The following SDK1 variants were observed in gnomAD, a reference collection of about 807,000 sequenced individuals.
The protein encoded by SDK1 is sidekick cell adhesion molecule 1.
In SDK1, 157 loss-of-function variants were observed where a neutral mutation model predicts 245.5. The ratio of observed to expected loss-of-function variants is 0.64; its 90% confidence interval spans 0.56 to 0.73. The LOEUF (loss-of-function observed/expected upper bound fraction) is 0.73, where lower values mean the gene tolerates loss of function less well. Ranked by LOEUF, SDK1 falls within the 30% of genes least tolerant of loss-of-function variation. The probability of loss-of-function intolerance (pLI) is 0.00; values close to 1 mark genes in which losing one functional copy is unlikely to be tolerated. For missense variants in SDK1, 3,583 were observed against 3,002.3 expected, an observed-to-expected ratio of 1.19 and a Z score of -4.52; for synonymous variants, 1,647 against 1,278.5, an observed-to-expected ratio of 1.29 and a Z score of -6.15.
At chr7:3,624,877 C>T (rs1055818200) in intron 2 of SDK1, among the ~76,000 whole-genome samples, 1 of 151,932 alleles carries the variant, frequency 6.6e-6, no homozygotes, top group African/African-American at 2.4e-5. Flanking sequence ...GAAACCCCAT[C>T]TCTACTAAAA....
At chr7:3,861,082 C>G (rs1368402413) in intron 5 of SDK1, among the ~76,000 whole-genome samples, 21 of 152,184 alleles carry the variant, frequency 1.4e-4, no homozygotes, top group Admixed American at 1.4e-3. Context: ...TGTCCAAGCT[C>G]TGTAACCCTT....
In SDK1 at chr7:4,067,853, G is replaced by A. The variant is rs1320815471; in HGVS notation, c.2927G>A (p.Gly976Glu). The change falls in exon 20 of 45, where the codon GGA (glycine) becomes GAA (glutamate). Residue 976 changes from glycine (G) to glutamate (E), a missense_variant. Transcript: ENST00000404826. The part of the protein sequence containing the change: ...WTQEDKPGAV[G>E]HLSFTEILDT... ...TAATTGGTAGAACCAGGAGCTGTGGGACATCTGAGTTTCACAGAGATCTTG... is the reference window on the plus strand; with the variant it reads ...TAATTGGTAGAACCAGGAGCTGTGGAACATCTGAGTTTCACAGAGATCTTG... 1.2e-6 allele frequency: 2 copies of A among 1,612,640 alleles called. No homozygotes were observed.
chr7:3,988,620 A>G (rs2128139852), intron 14 of SDK1, among the ~76,000 whole-genome samples: 1 of 152,198 alleles, frequency 6.6e-6, no homozygotes, highest in Non-Finnish European at 1.5e-5. Context: ...CACGGATTTT[A>G]TGTTGACTCC....
chr7:3,747,068 A>G (rs1779646267), intron 4 of SDK1, among the ~76,000 whole-genome samples: 1 of 152,240 alleles, frequency 6.6e-6, no homozygotes, highest in African/African-American at 2.4e-5. Flanking sequence ...ATGCTGTGGC[A>G]TGAAACCAAC....
At chr7:3,846,777 C>G (rs545123627) in intron 5 of SDK1, among the ~76,000 whole-genome samples, 1 of 152,152 alleles carries the variant, frequency 6.6e-6, no homozygotes, top group African/African-American at 2.4e-5. Context: ...CGTGTCTTTA[C>G]CCCTGGTTCC....
intron 21 of SDK1, among the ~76,000 whole-genome samples, chr7:4,078,710 C>G (rs1218495346): frequency 6.6e-6 from 1 of 152,126 alleles, no homozygotes; most frequent in Non-Finnish European, 1.5e-5. Flanking sequence ...ACTCATAATG[C>G]TACAATTCCG....
chr7:3,419,526 G>T (rs1266696513), intron 1 of SDK1, among the ~76,000 whole-genome samples: 3 of 152,166 alleles, frequency 2.0e-5, no homozygotes. Context: ...TGTTTCGAAA[G>T]TATTGAGTGC....
At chr7:4,146,061 C>A in intron 29 of SDK1, 145 bp downstream of exon 29, 1 of 670,958 alleles carries the variant, frequency 1.5e-6, no homozygotes, top group Non-Finnish European at 2.5e-6. Flanking sequence ...ACAAAGCACC[C>A]ATTGCACCTG....
In SDK1 at chr7:3,957,280, G is replaced by A. The variant is rs184904276; in HGVS notation, c.1151-1651G>A. ...GGACGTGCATGTGCCGTCTTTTCAC[G>A]CACACTTGAGCGCAGGAAACACTGG... On this transcript the variant is annotated intron_variant, in intron 7 of 44. Transcript: ENST00000404826. Among the ~76,000 whole-genome samples, 175 of 152,242 alleles carry A rather than the reference G, an allele frequency of 1.1e-3. 1 individual carries two copies. The highest frequency in any genetic ancestry group is 4.1e-3 in the African/African-American group (169 of 41,546).
At chr7:4,176,309 A>G (rs1174895639) in intron 34 of SDK1, among the ~76,000 whole-genome samples, 1 of 151,980 alleles carries the variant, frequency 6.6e-6, no homozygotes, top group Non-Finnish European at 1.5e-5. Flanking sequence ...CTATAGGCTC[A>G]TGCAACCATG....
At position 4,203,886 on chromosome 7, in the gene SDK1, G is replaced by C. The variant is rs61397122; in HGVS notation, c.5099-1993G>C. On this transcript the variant is annotated intron_variant, in intron 35 of 44. Coordinates refer to ENST00000404826, the MANE Select transcript of SDK1 (RefSeq NM_152744.4). Reference sequence around the variant, plus strand: ...AGAAGTGCCTTGCTGTAGCATTGCTGGTAGGCACGGCAGTGCGGCTCAGCT... The same window carrying C: ...AGAAGTGCCTTGCTGTAGCATTGCTCGTAGGCACGGCAGTGCGGCTCAGCT... Among the ~76,000 whole-genome samples, 850 of 152,362 alleles carry C rather than the reference G, an allele frequency of 5.6e-3. 12 individuals are homozygous for C. Among genetic ancestry groups the C allele is most frequent in the African/African-American group, 0.02 (811 of 41,580 alleles).
At chr7:3,739,011 G>T (rs368348631) in intron 4 of SDK1, among the ~76,000 whole-genome samples, 21 of 151,374 alleles carry the variant, frequency 1.4e-4, no homozygotes, top group African/African-American at 5.1e-4. Flanking sequence ...ATATAAGATC[G>T]TTTATCTAAG....
At chr7:3,375,596 G>A (rs1781334481) in intron 1 of SDK1, among the ~76,000 whole-genome samples, 1 of 152,166 alleles carries the variant, frequency 6.6e-6, no homozygotes, top group Non-Finnish European at 1.5e-5. Flanking sequence ...GTGCTCCCTT[G>A]CATCATTTGC....
rs531460826 is a variant in SDK1, at chr7:4,186,463, G to A, written c.5098+7877G>A. On this transcript the variant is annotated intron_variant, in intron 35 of 44. Transcript: ENST00000404826. ...GAGCCTCCAAATAAAAAGAGGTGCT[G>A]TGTCCCCACATAGGCCGCCTCCTTG... 1.5e-3 allele frequency among the ~76,000 whole-genome samples: 234 copies of A among 152,340 alleles called. 1 individual carries two copies. The highest frequency in any genetic ancestry group is 0.014 in the Admixed American group (217 of 15,302).
chr7:3,685,597 CA>C (rs1397053990), intron 4 of SDK1, among the ~76,000 whole-genome samples: 2 of 152,058 alleles, frequency 1.3e-5, no homozygotes, highest in African/African-American at 4.8e-5. Context: ...ATGGTTGATG[CA>C]AAAATTGTAA....
intron 5 of SDK1, among the ~76,000 whole-genome samples, chr7:3,888,148 G>C (rs920059522): frequency 1.3e-5 from 2 of 152,252 alleles, no homozygotes; most frequent in African/African-American, 4.8e-5. Flanking sequence ...GTGAATGATA[G>C]ATGCCGCACC....
chr7:3,991,921 A>G (rs928792267), intron 14 of SDK1, among the ~76,000 whole-genome samples: 36 of 152,384 alleles, frequency 2.4e-4, no homozygotes, highest in African/African-American at 7.7e-4. Flanking sequence ...GCAGCTGAAC[A>G]TGCTGGCTAA....
chr7:3,390,469 G>C (rs1346907483), intron 1 of SDK1, among the ~76,000 whole-genome samples: 2 of 152,112 alleles, frequency 1.3e-5, no homozygotes, highest in Non-Finnish European at 1.5e-5. Flanking sequence ...CCTATACCGA[G>C]TTAAATAGTG....
At chr7:3,574,554 C>T (rs1394226841) in intron 1 of SDK1, among the ~76,000 whole-genome samples, 2 of 152,030 alleles carry the variant, frequency 1.3e-5, no homozygotes, top group East Asian at 3.8e-4. Flanking sequence ...AACTCCTGGC[C>T]TCCCCACTAT....
Sources: allele counts gnomAD v4.1 joint callset (sites outside exome capture counted in the v4.1 genomes callset), GRCh38; gene constraint gnomAD v4.1.1; transcripts MANE v1.5; gene names NCBI Gene and HGNC (gene_info 2026-07-23, HGNC 2026-07-21).